Variants in GRM8 observed in about 807,000 individuals in gnomAD.
GRM8 encodes the protein glutamate metabotropic receptor 8, also known as metabotropic glutamate receptor 8.
In GRM8, 47 loss-of-function variants were observed where a neutral mutation model predicts 87.2. The ratio of observed to expected loss-of-function variants is 0.54; its 90% CI spans 0.43 to 0.69. The LOEUF is 0.69. Ranked by LOEUF, GRM8 falls within the 30% of genes least tolerant of loss-of-function variation. The pLI, the probability that GRM8 is intolerant of heterozygous loss-of-function variation, is 0.00. For synonymous variants in GRM8, 396 were observed against 404.5 expected, an observed-to-expected ratio of 0.98 and a Z score of 0.25; for missense variants, 1,019 against 1,139.2, an observed-to-expected ratio of 0.89 and a Z score of 1.52.
In GRM8 at chr7:126,533,481, G is replaced by C; in HGVS notation, c.1901C>G (p.Ser634Ter). ...VLLTGIFLCY[S>*]ITFLMIAAPD... Reference sequence around the variant, plus strand: ...TGCTGCAATCATTAAAAACGTGATTGAATAACAGAGAAAAATCCCCGTTAG... The same window carrying C: ...TGCTGCAATCATTAAAAACGTGATTCAATAACAGAGAAAAATCCCCGTTAG... The change falls in exon 9 of 11, where the codon TCA becomes TGA. Residue 634 changes from serine (S) to a stop codon, truncating the protein, a stop_gained. Coordinates refer to ENST00000339582, the MANE Select transcript of GRM8 (RefSeq NM_000845.3). LOFTEE classifies it high-confidence loss of function. 1 of 1,614,034 alleles carries C rather than the reference G, an allele frequency of 6.2e-7. No individual in the cohort carries two copies. The highest frequency in any genetic ancestry group is 8.5e-7 in the Non-Finnish European group (1 of 1,179,984).
intron 2 of GRM8, among the ~76,000 whole-genome samples, chr7:127,107,166 T>C (rs1316495383): frequency 9.9e-5 from 15 of 152,220 alleles, no homozygotes; most frequent in Non-Finnish European, 1.5e-5. Flanking sequence ...AATATAAGAT[T>C]TTTTTATACT....
intron 9 of GRM8, among the ~76,000 whole-genome samples, chr7:126,471,575 G>A (rs1452444157): frequency 1.3e-5 from 2 of 151,954 alleles, no homozygotes; most frequent in East Asian, 3.9e-4. Flanking sequence ...CCAGTACCAT[G>A]CTTCTTTGGT....
At chr7:126,449,382 T>C (rs558843051) in intron 9 of GRM8, among the ~76,000 whole-genome samples, 1 of 151,792 alleles carries the variant, frequency 6.6e-6, no homozygotes, top group African/African-American at 2.4e-5. Context: ...ATAGAGGAGT[T>C]ACAGGGTAGC....
At position 126,685,493 on chromosome 7, in the gene GRM8, C is replaced by T. The variant is rs1808072096; in HGVS notation, c.1358-75995G>A. Among the ~76,000 whole-genome samples, 2 of 152,130 alleles carry T rather than the reference C, an allele frequency of 1.3e-5. No individual in the cohort carries two copies. The highest frequency in any genetic ancestry group is 2.9e-5 in the Non-Finnish European group (2 of 68,016). On this transcript the variant is annotated intron_variant, in intron 7 of 10. Transcript: ENST00000339582. The surrounding 1 kb of genome is among the most constrained non-coding windows in gnomAD (Gnocchi z 4.2). ...CTGTGTTCCTGGGGGCCCAGGAAGGCCCCTCTGACCCCTGCAGGCTTGGAG... is the reference window on the plus strand; with the variant it reads ...CTGTGTTCCTGGGGGCCCAGGAAGGTCCCTCTGACCCCTGCAGGCTTGGAG...
At chr7:127,174,252 G>T (rs1793973101) in intron 2 of GRM8, among the ~76,000 whole-genome samples, 2 of 152,170 alleles carry the variant, frequency 1.3e-5, no homozygotes, top group African/African-American at 2.4e-5. Flanking sequence ...TGAAAAGAAG[G>T]GCAAACTCAG....
At chr7:126,790,706 G>T (rs1041576377) in intron 6 of GRM8, among the ~76,000 whole-genome samples, 2 of 152,130 alleles carry the variant, frequency 1.3e-5, no homozygotes, top group African/African-American at 4.8e-5. Context: ...ACCAGCCCTG[G>T]AGCCAGGGCT....
At chr7:126,907,468 C>A (rs1276960487) in intron 3 of GRM8, among the ~76,000 whole-genome samples, 1 of 151,930 alleles carries the variant, frequency 6.6e-6, no homozygotes, top group Non-Finnish European at 1.5e-5. Context: ...GGGAAAGCCA[C>A]CCTAAAGTTG....
At chr7:126,730,554 A>G (rs559261360) in intron 7 of GRM8, among the ~76,000 whole-genome samples, 4 of 152,296 alleles carry the variant, frequency 2.6e-5, no homozygotes, top group African/African-American at 7.2e-5. Context: ...TTTGTAAACA[A>G]TGTGGAACTG....
chr7:127,213,255 A>G (rs1796327472), intron 2 of GRM8, among the ~76,000 whole-genome samples: 1 of 152,152 alleles, frequency 6.6e-6, no homozygotes, highest in Non-Finnish European at 1.5e-5. Flanking sequence ...TGCACCTTAA[A>G]TGTGCACTAT....
At chr7:126,690,463 G>A (rs972159968) in intron 7 of GRM8, among the ~76,000 whole-genome samples, 4 of 152,214 alleles carry the variant, frequency 2.6e-5, no homozygotes, top group Admixed American at 6.5e-5. Context: ...ACTGGGGAAC[G>A]CAGTGGTGCC....
chr7:127,163,713 G>A (rs753321257), intron 2 of GRM8, among the ~76,000 whole-genome samples: 4 of 152,120 alleles, frequency 2.6e-5, no homozygotes, highest in East Asian at 1.9e-4. Flanking sequence ...TTTGATAACC[G>A]TCAAAGCTAA....
At chr7:127,072,985 C>T (rs989794307) in intron 3 of GRM8, among the ~76,000 whole-genome samples, 2 of 137,782 alleles carry the variant, frequency 1.5e-5, no homozygotes, top group Admixed American at 1.4e-4. Flanking sequence ...TTCCTTTTCC[C>T]TTTTCCTTCA....
intron 2 of GRM8, among the ~76,000 whole-genome samples, chr7:127,126,079 G>T (rs1424938630): frequency 6.6e-6 from 1 of 151,972 alleles, no homozygotes; most frequent in Non-Finnish European, 1.5e-5. Flanking sequence ...ATTTCTCAAA[G>T]AATTAAAAGT....
chr7:126,889,497 C>A (rs1800798578), intron 6 of GRM8, among the ~76,000 whole-genome samples: 1 of 152,010 alleles, frequency 6.6e-6, no homozygotes. Flanking sequence ...CACACCCCCA[C>A]CATCTGTAAA....
Position 126,809,214 on chromosome 7 carries a change from C to T in GRM8, c.1157-39149G>A, listed in dbSNP as rs114983149. Among the ~76,000 whole-genome samples, 833 of 152,258 alleles carry T rather than the reference C, an allele frequency of 5.5e-3. 11 individuals carry two copies. Among genetic ancestry groups the T allele is most frequent in the African/African-American group, 0.019 (810 of 41,550 alleles). ...TAAGGACCACTGTGATTATATTGGGCCCACCTGGATAATGTAAAAGTCAAC... is the reference window on the plus strand; with the variant it reads ...TAAGGACCACTGTGATTATATTGGGTCCACCTGGATAATGTAAAAGTCAAC... On this transcript the variant is annotated intron_variant, in intron 6 of 10. Coordinates refer to ENST00000339582, the MANE Select transcript of GRM8 (RefSeq NM_000845.3).
chr7:126,439,235 T>TA, intron 10 of GRM8, 67 bp from the exon 11 acceptor site: 2 of 925,940 alleles, frequency 2.2e-6, no homozygotes, highest in South Asian at 2.7e-5. Context: ...AATATGATTT[T>TA]AAAATTCAAG....
intron 2 of GRM8, among the ~76,000 whole-genome samples, chr7:127,185,889 C>T (rs1032575333): frequency 6.6e-6 from 1 of 151,932 alleles, no homozygotes; most frequent in African/African-American, 2.4e-5. Flanking sequence ...ATCTCTCATC[C>T]TCTTTCTCAT....
intron 7 of GRM8, among the ~76,000 whole-genome samples, chr7:126,764,200 A>G (rs1817943886): frequency 6.6e-6 from 1 of 151,986 alleles, no homozygotes. Flanking sequence ...ACTGGTTAAA[A>G]CTGATAGAAT....
chr7:126,921,650 G>A (rs1262220846), intron 3 of GRM8, among the ~76,000 whole-genome samples: 2 of 152,064 alleles, frequency 1.3e-5, no homozygotes, highest in Non-Finnish European at 2.9e-5. Flanking sequence ...GAAGTCAGAA[G>A]AAAATGGAGC....
Sources: gnomAD v4.1 joint callset for allele counts (sites outside exome capture counted in the v4.1 genomes callset) on GRCh38, gnomAD v4.1.1 for gene constraint, Gnocchi (gnomAD v3.1) non-coding constraint, MANE v1.5 for transcripts, NCBI Gene and HGNC (gene_info 2026-07-23, HGNC 2026-07-21) for gene names.